Variants in DCDC1 observed in about 807,000 individuals in gnomAD.
The protein encoded by DCDC1 is doublecortin domain-containing protein 1.
Under a neutral mutation model 178.3 loss-of-function variants are expected in DCDC1, and 200 were observed. That is an observed-to-expected ratio of 1.12 (90% CI 1.00 to 1.26). The LOEUF is 1.26. Among genes scored for constraint, DCDC1 ranks in the 50% most tolerant of loss-of-function variants. The pLI is 0.00. For missense variants in DCDC1, 1,983 were observed against 1,749.2 expected, an observed-to-expected ratio of 1.13 and a Z score of -2.38; for synonymous variants, 690 against 604.8, an observed-to-expected ratio of 1.14 and a Z score of -2.07.
intron 10 of DCDC1, among the ~76,000 whole-genome samples, chr11:31,128,365 G>C (rs75363726): frequency 0.017 from 2,581 of 152,136 alleles, 37 homozygotes; most frequent in Non-Finnish European, 0.027. Context: ...ACAGACATAT[G>C]AGCCTTACTT....
intron 9 of DCDC1, among the ~76,000 whole-genome samples, chr11:31,238,463 A>C (rs1338676835): frequency 2.6e-5 from 4 of 152,080 alleles, no homozygotes; most frequent in Admixed American, 6.6e-5. Flanking sequence ...CCTATGAATG[A>C]CAGCTTCCCT....
chr11:31,283,998 C>T (rs1045929583), intron 7 of DCDC1, among the ~76,000 whole-genome samples: 6 of 149,174 alleles, frequency 4.0e-5, no homozygotes, highest in African/African-American at 7.4e-5. Context: ...CTCTCTACTA[C>T]GATCCATAAA....
intron 34 of DCDC1, among the ~76,000 whole-genome samples, chr11:30,896,865 A>G (rs1565041998): frequency 6.6e-6 from 1 of 152,214 alleles, no homozygotes; most frequent in Non-Finnish European, 1.5e-5. Context: ...CATGCTTACC[A>G]GTGAAATGTA....
intron 9 of DCDC1, among the ~76,000 whole-genome samples, chr11:31,213,676 C>A (rs570776774): frequency 2.0e-5 from 3 of 151,056 alleles, no homozygotes; most frequent in Non-Finnish European, 4.4e-5. Context: ...GCCGAGATCA[C>A]GCCACTGCAC....
chr11:31,311,459 T>C (rs1300239820), intron 3 of DCDC1, among the ~76,000 whole-genome samples: 1 of 152,240 alleles, frequency 6.6e-6, no homozygotes, highest in Non-Finnish European at 1.5e-5. Context: ...AAATACATCA[T>C]ACAATTTAAA....
intron 20 of DCDC1, among the ~76,000 whole-genome samples, chr11:31,036,752 A>G (rs1190848215): frequency 6.6e-6 from 1 of 152,232 alleles, no homozygotes; most frequent in East Asian, 1.9e-4. Context: ...CCACTGATGC[A>G]GAACCTGCAG....
At chr11:31,266,162 G>T (rs1229680660) in intron 7 of DCDC1, among the ~76,000 whole-genome samples, 1 of 152,040 alleles carries the variant, frequency 6.6e-6, no homozygotes, top group African/African-American at 2.4e-5. Context: ...TGTTGTTTGG[G>T]TACTAAAAAC....
intron 9 of DCDC1, among the ~76,000 whole-genome samples, chr11:31,157,360 A>C (rs1387749685): frequency 4.1e-4 from 46 of 112,696 alleles, no homozygotes; most frequent in African/African-American, 1.5e-3. Flanking sequence ...TTTCTCAAAA[A>C]AAAAAAAAAA....
chr11:30,919,913 G>T (rs973932377), intron 25 of DCDC1, among the ~76,000 whole-genome samples: 1 of 152,094 alleles, frequency 6.6e-6, no homozygotes, highest in African/African-American at 2.4e-5. Context: ...TGCCCTCAAC[G>T]TTCCCAGGCT....
chr11:31,014,157 G>C (rs748566221), intron 20 of DCDC1, among the ~76,000 whole-genome samples: 2 of 152,084 alleles, frequency 1.3e-5, no homozygotes, highest in Non-Finnish European at 2.9e-5. Flanking sequence ...CTTTTAAGAA[G>C]GGGAACAGAC....
chr11:31,259,423 C>T (rs1176060254), intron 8 of DCDC1, among the ~76,000 whole-genome samples: 1 of 152,082 alleles, frequency 6.6e-6, no homozygotes, highest in Non-Finnish European at 1.5e-5. Flanking sequence ...AAACATTATA[C>T]CTTATATTGT....
intron 20 of DCDC1, among the ~76,000 whole-genome samples, chr11:31,019,875 A>AC (rs1219893419): frequency 6.7e-6 from 1 of 149,080 alleles, no homozygotes; most frequent in Non-Finnish European, 1.5e-5. Context: ...CATTCACCGG[A>AC]CCCCCACCCC....
chr11:31,262,838 A>C, intron 8 of DCDC1: 1 of 426,082 alleles, frequency 2.3e-6, no homozygotes, highest in Non-Finnish European at 4.1e-6. Context: ...AAGTTCCTCC[A>C]ACAGGATTAG....
At chr11:31,188,292 C>T (rs1311966171) in intron 9 of DCDC1, among the ~76,000 whole-genome samples, 1 of 152,120 alleles carries the variant, frequency 6.6e-6, no homozygotes, top group Non-Finnish European at 1.5e-5. Flanking sequence ...CACTTCCAGG[C>T]ATCAATCAAT....
intron 21 of DCDC1, among the ~76,000 whole-genome samples, chr11:30,952,223 G>A (rs1413481776): frequency 6.6e-6 from 1 of 152,056 alleles, no homozygotes; most frequent in African/African-American, 2.4e-5. Context: ...AATATATGAA[G>A]CAATATTTGA....
intron 7 of DCDC1, among the ~76,000 whole-genome samples, chr11:31,268,137 G>C (rs1332836693): frequency 6.6e-6 from 1 of 152,038 alleles, no homozygotes; most frequent in East Asian, 1.9e-4. Context: ...TTAATATTAT[G>C]AAGTTATTAC....
chr11:31,043,000 G>C lies in DCDC1; in HGVS notation c.2591+21469C>G, dbSNP rs289089. 8.2e-3 allele frequency among the ~76,000 whole-genome samples: 1,244 copies of C among 152,290 alleles called. 10 individuals are homozygous for C. The highest frequency in any genetic ancestry group is 0.029 in the African/African-American group (1,190 of 41,556). On this transcript the variant is annotated intron_variant, in intron 20 of 38. Transcript: ENST00000684477. ...ACTTTGTAATTGTGAGAACATCATA[G>C]AGCGTACTCCACAAATCTGAGATGG...
At chr11:30,992,881 T>G (rs1951068558) in intron 20 of DCDC1, among the ~76,000 whole-genome samples, 1 of 152,154 alleles carries the variant, frequency 6.6e-6, no homozygotes, top group African/African-American at 2.4e-5. Flanking sequence ...GTGTGTTATA[T>G]TCTATGAAGA....
chr11:30,897,169 T>A (rs1366249292), intron 34 of DCDC1, among the ~76,000 whole-genome samples: 1 of 152,218 alleles, frequency 6.6e-6, no homozygotes, highest in Non-Finnish European at 1.5e-5. Context: ...AATAGAGACA[T>A]GATTTATGTT....
Sources: gnomAD v4.1 joint callset for allele counts (sites outside exome capture counted in the v4.1 genomes callset) on GRCh38, gnomAD v4.1.1 for gene constraint, MANE v1.5 for transcripts, NCBI Gene and HGNC (gene_info 2026-07-23, HGNC 2026-07-21) for gene names.